The following MED12L variants were observed in gnomAD, a reference collection of about 807,000 sequenced individuals.
MED12L encodes mediator complex subunit 12L.
MED12L carries 60 observed loss-of-function variants against 281.3 expected under a neutral mutation model. The ratio of observed to expected loss-of-function variants is 0.21; its 90% CI spans 0.17 to 0.26. MED12L has a LOEUF of 0.26. Ranked by LOEUF, MED12L falls within the 10% of genes least tolerant of loss-of-function variation. The pLI is 1.00. For missense variants in MED12L, 2,146 were observed against 2,680.9 expected, an observed-to-expected ratio of 0.80 and a Z score of 4.41; for synonymous variants, 974 against 987.2, an observed-to-expected ratio of 0.99 and a Z score of 0.25.
chr3:151,088,477 G>A (rs1214693442), intron 2 of MED12L, among the ~76,000 whole-genome samples: 1 of 152,176 alleles, frequency 6.6e-6, no homozygotes, highest in Non-Finnish European at 1.5e-5. Context: ...AGTTTTGATA[G>A]GGACAGGGAT....
In MED12L at chr3:151,386,578, G is replaced by GTTTT. The variant is rs201719010; in HGVS notation, c.5089-1220_5089-1217dup. Among the ~76,000 whole-genome samples, 7 of 128,378 alleles carry GTTTT rather than the reference G, an allele frequency of 5.5e-5. 1 individual carries two copies. Among genetic ancestry groups the GTTTT allele is most frequent in the African/African-American group, 8.7e-5 (3 of 34,562 alleles). The allele number at this position is 128,378 out of a possible 152,430, so 84.2% of individuals were successfully genotyped here. On this transcript the variant is annotated intron_variant, in intron 36 of 44. Transcript: ENST00000687756. ...CTAATTTTTTTTTGTTTTTGTCTTT[G>GTTTT]TTTTTTTTTTTTTTTCAAGACAGAG...
intron 36 of MED12L, among the ~76,000 whole-genome samples, chr3:151,386,119 A>T (rs774926652): frequency 6.6e-6 from 1 of 152,214 alleles, no homozygotes; most frequent in Non-Finnish European, 1.5e-5. Context: ...AAATAAAGGG[A>T]GAGTTTATAT....
intron 16 of MED12L, among the ~76,000 whole-genome samples, chr3:151,292,891 C>A (rs1744459403): frequency 6.6e-6 from 1 of 152,178 alleles, no homozygotes; most frequent in African/African-American, 2.4e-5. Context: ...TCTTAATTAG[C>A]TGATCTAAAA....
At chr3:151,255,573 A>G (rs1737665769) in intron 16 of MED12L, among the ~76,000 whole-genome samples, 1 of 152,080 alleles carries the variant, frequency 6.6e-6, no homozygotes, top group South Asian at 2.1e-4. Flanking sequence ...AACTGAACAC[A>G]CGCGATTTTT....
chr3:151,344,328 TC>T (rs1752269661), intron 16 of MED12L, among the ~76,000 whole-genome samples: 1 of 152,066 alleles, frequency 6.6e-6, no homozygotes, highest in Non-Finnish European at 1.5e-5. Context: ...GTTAATTTCT[TC>T]ATTCCTGTAA....
intron 16 of MED12L, among the ~76,000 whole-genome samples, chr3:151,300,504 C>G (rs1745757062): frequency 6.6e-6 from 1 of 152,144 alleles, no homozygotes; most frequent in African/African-American, 2.4e-5. Context: ...ATGATTTCCC[C>G]CACCCCTTCC....
At chr3:151,248,471 T>C (rs1477676902) in intron 16 of MED12L, among the ~76,000 whole-genome samples, 1 of 152,192 alleles carries the variant, frequency 6.6e-6, no homozygotes, top group African/African-American at 2.4e-5. Flanking sequence ...ATTCGTTCTT[T>C]ATTGGACTGT....
intron 16 of MED12L, chr3:151,213,440 TA>T (rs1412402445): frequency 6.2e-7 from 1 of 1,614,034 alleles, no homozygotes; most frequent in Non-Finnish European, 8.5e-7. Context: ...AAATAAATAA[TA>T]GGGTCCAAGC....
chr3:151,110,632 TG>T (rs1711725939), intron 2 of MED12L, among the ~76,000 whole-genome samples: 1 of 152,242 alleles, frequency 6.6e-6, no homozygotes, highest in Non-Finnish European at 1.5e-5. Flanking sequence ...CCTAAAGTTT[TG>T]TACTAATAAA....
chr3:151,391,559 TACAC>T (rs1714231409), intron 38 of MED12L, among the ~76,000 whole-genome samples: 1 of 151,882 alleles, frequency 6.6e-6, no homozygotes, highest in Non-Finnish European at 1.5e-5. Context: ...ACACATAAAA[TACAC>T]AAACAATAGG....
intron 12 of MED12L, among the ~76,000 whole-genome samples, chr3:151,187,415 A>G (rs909651458): frequency 3.9e-5 from 6 of 152,362 alleles, no homozygotes; most frequent in African/African-American, 2.4e-5. Flanking sequence ...AAATGTATCT[A>G]TATCTAAAAA....
chr3:151,432,012 A>G (rs1719589506), intron 44 of MED12L, among the ~76,000 whole-genome samples: 1 of 152,214 alleles, frequency 6.6e-6, no homozygotes, highest in Non-Finnish European at 1.5e-5. Flanking sequence ...GTATATACTC[A>G]GCTGCCTGAT....
chr3:151,096,389 C>T (rs1189361624), intron 2 of MED12L, among the ~76,000 whole-genome samples: 1 of 151,862 alleles, frequency 6.6e-6, no homozygotes, highest in East Asian at 1.9e-4. Context: ...CCCACACCCA[C>T]CCCCTTTTTT....
intron 16 of MED12L, among the ~76,000 whole-genome samples, chr3:151,331,203 T>A (rs1307545891): frequency 6.6e-6 from 1 of 152,152 alleles, no homozygotes; most frequent in Non-Finnish European, 1.5e-5. Context: ...ATCCAATAGA[T>A]CATTCATTTC....
chr3:151,246,077 C>G (rs1735388665), intron 16 of MED12L, among the ~76,000 whole-genome samples: 1 of 151,784 alleles, frequency 6.6e-6, no homozygotes, highest in South Asian at 2.1e-4. Context: ...TGTGAAGGAA[C>G]TCTTCAAGGA....
At chr3:151,430,149 T>TCTCGGTGGTCGCC in intron 43 of MED12L, 150 bp from the exon 44 acceptor site, 1 of 1,158,502 alleles carries the variant, frequency 8.6e-7, no homozygotes, top group Non-Finnish European at 1.2e-6. Context: ...AAGGTGTAGA[T>TCTCGGTGGTCGCC]GAAAATTAAT....
intron 16 of MED12L, among the ~76,000 whole-genome samples, chr3:151,293,671 ACACACACC>A (rs1559992105): frequency 8.6e-6 from 1 of 116,122 alleles, no homozygotes; most frequent in African/African-American, 3.5e-5. Flanking sequence ...ACACACACAC[ACACACACC>A]CTCTACCTTC....
chr3:151,344,553 T>C (rs1312652748), intron 16 of MED12L, among the ~76,000 whole-genome samples: 1 of 152,150 alleles, frequency 6.6e-6, no homozygotes, highest in African/African-American at 2.4e-5. Flanking sequence ...TAAAGACTGG[T>C]TTTTACTGCT....
chr3:151,130,234 C>T (rs1164087976), intron 5 of MED12L, among the ~76,000 whole-genome samples: 2 of 151,896 alleles, frequency 1.3e-5, no homozygotes, highest in South Asian at 2.1e-4. Flanking sequence ...TTCTTCCTGA[C>T]ATTTCTTCTT....
Sources: allele counts gnomAD v4.1 joint callset (sites outside exome capture counted in the v4.1 genomes callset), GRCh38; gene constraint gnomAD v4.1.1; transcripts MANE v1.5; gene names NCBI Gene and HGNC (gene_info 2026-07-23, HGNC 2026-07-21).